ACBD5: variants seen among roughly 807,000 people sequenced by gnomAD.
ACBD5 encodes acyl-CoA-binding domain-containing protein 5.
In ACBD5, 40 loss-of-function variants were observed where a neutral mutation model predicts 71.8. The ratio of observed to expected loss-of-function variants is 0.56; its 90% CI spans 0.43 to 0.72. ACBD5 has a LOEUF of 0.72. Ranked by LOEUF, ACBD5 falls within the 30% of genes least tolerant of loss-of-function variation. ACBD5 has a pLI of 0.00. For synonymous variants in ACBD5, 229 were observed against 218.6 expected, an observed-to-expected ratio of 1.05 and a Z score of -0.42; for missense variants, 559 against 644.5, an observed-to-expected ratio of 0.87 and a Z score of 1.44.
chr10:27,234,349 TG>T (rs1326420196), intron 3 of ACBD5, among the ~76,000 whole-genome samples: 1 of 152,200 alleles, frequency 6.6e-6, no homozygotes, highest in Non-Finnish European at 1.5e-5. Context: ...AAAGTTAGCA[TG>T]GCAGTACCTG....
rs2063896540 is a variant in ACBD5 at position 27,231,757 on chromosome 10, T to C, written c.366A>G (p.Glu122=). 6.2e-7 allele frequency: 1 copy of C among 1,613,624 alleles called. No homozygotes were observed. Among genetic ancestry groups the C allele is most frequent in the Admixed American group, 1.7e-5 (1 of 60,014 alleles). Reference sequence around the variant, plus strand: ...GAATTATTTTCCCTACCTTTTTCATTTCTTCAACATATGCAATCATGGCTT... The same window carrying C: ...GAATTATTTTCCCTACCTTTTTCATCTCTTCAACATATGCAATCATGGCTT... ...KEEAMIAYVE[E]MKKIIETMPM... is the part of the protein sequence containing the mutation. The change falls in exon 4 of 13, where the codon GAA becomes GAG. Residue 122 remains glutamate (E), a synonymous_variant. Transcript: ENST00000396271.
At chr10:27,228,985 A>AT (rs978960491) in intron 4 of ACBD5, among the ~76,000 whole-genome samples, 4 of 148,910 alleles carry the variant, frequency 2.7e-5, no homozygotes, top group Non-Finnish European at 4.5e-5. Context: ...CGCCAGGCTA[A>AT]TTTTTTTTGT....
chr10:27,231,659 C>G (rs1482086059), intron 4 of ACBD5, 89 bp downstream of exon 4: 2 of 1,148,018 alleles, frequency 1.7e-6, no homozygotes, highest in African/African-American at 3.1e-5. Context: ...CTACAATCTC[C>G]TTAAAGCAAA....
intron 4 of ACBD5, among the ~76,000 whole-genome samples, chr10:27,227,009 ATTTTTT>A (rs56406048): frequency 8.9e-4 from 70 of 78,402 alleles, no homozygotes; most frequent in Non-Finnish European, 1.5e-3. Context: ...TTTTTTTGCG[ATTTTTT>A]TTTTTTTTTT....
rs2060184758 is a variant in ACBD5, at chr10:27,203,804, A to T, written c.1565+636T>A. ...AAAAGTACCTCCAAATTCCTTTTTA[A>T]TTAATTGTTTAAAATAGAGACAGCA... On this transcript the variant is annotated intron_variant, in intron 12 of 12. Coordinates refer to ENST00000396271, the MANE Select transcript of ACBD5 (RefSeq NM_145698.5). 2.0e-5 allele frequency among the ~76,000 whole-genome samples: 3 copies of T among 152,032 alleles called. No individual in the cohort carries two copies. In the South Asian group the frequency reaches 6.2e-4, roughly 32 times the overall value.
At chr10:27,216,377 G>T (rs1035631487) in intron 7 of ACBD5, among the ~76,000 whole-genome samples, 3 of 152,178 alleles carry the variant, frequency 2.0e-5, no homozygotes, top group African/African-American at 7.2e-5. Context: ...CTGACCTCAG[G>T]TGATCCGCCT....
rs1035973704 is a variant in ACBD5 at position 27,240,751 on chromosome 10, G to T, written c.-63C>A. The T allele has an allele frequency of 1.3e-6, 2 of 1,549,620 alleles. No individual in the cohort carries two copies. The highest frequency in any genetic ancestry group is 1.4e-5 in the African/African-American group (1 of 73,016). On this transcript the variant is annotated 5_prime_UTR_variant, in exon 1 of 13. Coordinates refer to ENST00000396271, the MANE Select transcript of ACBD5 (RefSeq NM_145698.5). The surrounding 1 kb of genome is among the most constrained non-coding windows in gnomAD (Gnocchi z 4.1). Reference sequence around the variant, plus strand: ...CCGCGGAGCCGCTCTCCCACCCTGGGGACCCTGGCGGAGCAGCCACACCCC... The same window carrying T: ...CCGCGGAGCCGCTCTCCCACCCTGGTGACCCTGGCGGAGCAGCCACACCCC...
intron 5 of ACBD5, 155 bp downstream of exon 5, chr10:27,223,181 CTT>C: frequency 1.4e-6 from 1 of 730,432 alleles, no homozygotes; most frequent in Admixed American, 2.0e-5. Context: ...TTAAACAAAA[CTT>C]TTACATGATT....
rs1379157618 is a variant in ACBD5, at chr10:27,240,343, C to A, written c.157G>T (p.Val53Leu). 1 of 1,614,030 alleles carries A rather than the reference C, an allele frequency of 6.2e-7. No homozygotes were observed. The highest frequency in any genetic ancestry group is 1.7e-5 in the Admixed American group (1 of 59,992). ...HETRFEAAVK[V>L]IQSLPKNGSF... ...CCATTCTTCGGCAAACTCTGGATCA[C>A]CTTCACGGCCGCCTCAAACCTAGTC... The change falls in exon 2 of 13, where the codon GTG becomes TTG. Residue 53 changes from valine to leucine, a missense_variant. Physicochemically the swap from Val to Leu is conservative, Grantham distance 32. Coordinates refer to ENST00000396271, the MANE Select transcript of ACBD5 (RefSeq NM_145698.5). This position sits in a 1 kb window ranked among gnomAD's most constrained non-coding sequence, Gnocchi z 4.1.
intron 12 of ACBD5, among the ~76,000 whole-genome samples, chr10:27,201,148 G>C (rs2059887639): frequency 6.6e-6 from 1 of 152,234 alleles, no homozygotes; most frequent in Admixed American, 6.5e-5. Flanking sequence ...AGGCAAGAGA[G>C]TGAGACCTTG....
chr10:27,206,805 C>T (rs539164432), intron 10 of ACBD5, among the ~76,000 whole-genome samples: 23 of 151,722 alleles, frequency 1.5e-4, no homozygotes, highest in Non-Finnish European at 2.8e-4. Context: ...TGTGAGTCAC[C>T]GCGCCCGGTC....
At chr10:27,214,414 C>T (rs893927833) in intron 8 of ACBD5, among the ~76,000 whole-genome samples, 4 of 151,684 alleles carry the variant, frequency 2.6e-5, no homozygotes, top group African/African-American at 9.7e-5. Flanking sequence ...GGGGTCTCGC[C>T]TTCTTGCCCA....
intron 6 of ACBD5, among the ~76,000 whole-genome samples, chr10:27,218,882 G>A (rs1374706434): frequency 5.3e-5 from 8 of 152,198 alleles, no homozygotes; most frequent in East Asian, 3.9e-4. Flanking sequence ...AACCGTGCCC[G>A]GCCGCAGTTT....
chr10:27,239,436 T>C (rs886390775), intron 2 of ACBD5, among the ~76,000 whole-genome samples: 2 of 151,874 alleles, frequency 1.3e-5, no homozygotes, highest in Admixed American at 6.6e-5. Context: ...AAACCGAAGA[T>C]AGAAAAGAAA....
chr10:27,212,204 C>A (rs1270152009), intron 8 of ACBD5, among the ~76,000 whole-genome samples: 1 of 152,140 alleles, frequency 6.6e-6, no homozygotes, highest in African/African-American at 2.4e-5. Flanking sequence ...CAAAAATTAG[C>A]CAGTCAGGGC....
At chr10:27,203,507 G>A (rs1370939393) in intron 12 of ACBD5, among the ~76,000 whole-genome samples, 8 of 152,210 alleles carry the variant, frequency 5.3e-5, no homozygotes, top group Admixed American at 4.6e-4. Flanking sequence ...GGGAGGCCAA[G>A]GCGGGCAAAT....
rs769882516 is a variant in ACBD5, at chr10:27,208,399, C to A, written c.1251G>T (p.Val417=). The A allele has an allele frequency of 2.5e-6, 4 of 1,614,198 alleles. No individual in the cohort carries two copies. Among genetic ancestry groups the A allele is most frequent in the Non-Finnish European group, 3.4e-6 (4 of 1,180,046 alleles). The part of the protein sequence containing the change: ...HLSEGTKGRQ[V]GSGGDGERWG... Reference sequence around the variant, plus strand: ...AGCGCTCCCCATCACCTCCACTTCCCACCTGCCGGCCCTTGGTTCCTTCGC... The same window carrying A: ...AGCGCTCCCCATCACCTCCACTTCCAACCTGCCGGCCCTTGGTTCCTTCGC... The change falls in exon 10 of 13, where the codon GTG becomes GTT. Residue 417 remains valine (V), a synonymous_variant. Transcript: ENST00000396271.
Position 27,197,190 on chromosome 10 carries a change from G to A in ACBD5, c.*240C>T. ...AAGTTCAAGGGCAGGGTAAATCTGT[G>A]TATACTACTTATAACCTAGTAGAGA... On this transcript the variant is annotated 3_prime_UTR_variant, in exon 13 of 13. Transcript: ENST00000396271. 1 of 606,612 alleles carries A rather than the reference G, an allele frequency of 1.6e-6. No homozygotes were observed. Among genetic ancestry groups the A allele is most frequent in the Non-Finnish European group, 3.0e-6 (1 of 331,392 alleles). The allele number at this position is 606,612 out of a possible 1,614,324, so 37.6% of individuals were successfully genotyped here. A position where few individuals can be genotyped will look rare whatever the true frequency, so the allele number is the denominator to read the frequency against.
chr10:27,222,745 GT>G (rs57200563), intron 5 of ACBD5, among the ~76,000 whole-genome samples: 10,417 of 151,774 alleles, frequency 0.069, 679 homozygotes, highest in African/African-American at 0.17. Flanking sequence ...TAATTTTTGT[GT>G]TTTTTGTAGA....
Sources: allele counts gnomAD v4.1 joint callset (sites outside exome capture counted in the v4.1 genomes callset), GRCh38; gene constraint gnomAD v4.1.1; non-coding constraint Gnocchi (gnomAD v3.1); transcripts MANE v1.5; gene names NCBI Gene and HGNC (gene_info 2026-07-23, HGNC 2026-07-21).